Variants in AK7 observed in about 807,000 individuals in gnomAD.
AK7 encodes ATP-AMP transphosphorylase 7.
AK7 carries 78 observed loss-of-function variants against 96.6 expected under a neutral mutation model. The ratio of observed to expected loss-of-function variants is 0.81; its 90% CI spans 0.67 to 0.97. The LOEUF is 0.97. Ranked by LOEUF, AK7 falls within the 50% of genes least tolerant of loss-of-function variation. AK7 has a pLI of 0.00. For missense variants in AK7, 855 were observed against 887.9 expected (o/e 0.96, Z 0.47); for synonymous variants, 302 against 317.2 (o/e 0.95, Z 0.51).
At chr14:96,397,769 T>C (rs1791881549) in intron 1 of AK7, among the ~76,000 whole-genome samples, 1 of 152,196 alleles carries the variant, frequency 6.6e-6, no homozygotes, top group Non-Finnish European at 1.5e-5. Flanking sequence ...TATATTTCTG[T>C]TGGACAACAC....
chr14:96,406,339 T>TC (rs947441031), intron 3 of AK7, among the ~76,000 whole-genome samples: 2 of 152,278 alleles, frequency 1.3e-5, no homozygotes, highest in East Asian at 1.9e-4. Context: ...GACCACCCTC[T>TC]CCCCCTCAAG....
At chr14:96,445,141 C>A (rs1230571820) in intron 7 of AK7, among the ~76,000 whole-genome samples, 1 of 152,228 alleles carries the variant, frequency 6.6e-6, no homozygotes, top group Non-Finnish European at 1.5e-5. Context: ...TATCAAACTA[C>A]CCGCCTCTGC....
rs912884736 is a variant in AK7, at chr14:96,407,352, A to G, written c.404-1495A>G. ...AAACAAAAGTAACACAAAGTTTGGA[A>G]TAATACGTGATCATAGTGTTCTTAG... On this transcript the variant is annotated intron_variant, in intron 3 of 17. Coordinates refer to ENST00000267584, the MANE Select transcript of AK7 (RefSeq NM_152327.5). 3.1e-4 allele frequency among the ~76,000 whole-genome samples: 47 copies of G among 152,204 alleles called. 1 individual carries two copies. Among genetic ancestry groups the G allele is most frequent in the African/African-American group, 1.0e-3 (43 of 41,454 alleles).
intron 8 of AK7, among the ~76,000 whole-genome samples, chr14:96,448,126 CA>C (rs557075450): frequency 0.017 from 1,408 of 81,886 alleles, 11 homozygotes; most frequent in African/African-American, 0.05. Context: ...GAGACCCTGT[CA>C]AAAAAAAAAA....
At chr14:96,467,632 G>C (rs1177591465) in intron 12 of AK7, among the ~76,000 whole-genome samples, 1 of 152,098 alleles carries the variant, frequency 6.6e-6, no homozygotes, top group Admixed American at 6.6e-5. Context: ...GAGCCACCCT[G>C]CCCGGCTGCT....
chr14:96,435,466 C>A (rs1595410093), intron 5 of AK7, among the ~76,000 whole-genome samples: 1 of 152,276 alleles, frequency 6.6e-6, no homozygotes, highest in East Asian at 1.9e-4. Context: ...AGGAAGGAGT[C>A]TCTTCGGAGC....
chr14:96,487,184 G>C, intron 17 of AK7, 128 bp downstream of exon 17: 1 of 898,826 alleles, frequency 1.1e-6, no homozygotes. Context: ...AGACCACCCT[G>C]CCAACATAGT....
rs1199841247 is a variant in AK7 at position 96,449,502 on chromosome 14, C to T, written c.871-300C>T. 3.3e-5 allele frequency among the ~76,000 whole-genome samples: 5 copies of T among 152,196 alleles called. No individual in the cohort carries two copies. In the East Asian group the frequency reaches 9.6e-4, roughly 29 times the overall value. ...AGGCTGGAGTGCAGTGGTGTGATCT[C>T]AACTCACTGCAACCTCTGTCTCTCA... On this transcript the variant is annotated intron_variant, in intron 8 of 17. Coordinates refer to ENST00000267584, the MANE Select transcript of AK7 (RefSeq NM_152327.5).
At chr14:96,435,191 CA>C (rs1433859982) in intron 5 of AK7, among the ~76,000 whole-genome samples, 1 of 152,026 alleles carries the variant, frequency 6.6e-6, no homozygotes, top group Non-Finnish European at 1.5e-5. Context: ...CTGTAGTCAC[CA>C]CAGCTGGGAA....
At chr14:96,431,204 A>C (rs567606893) in intron 5 of AK7, among the ~76,000 whole-genome samples, 10 of 152,216 alleles carry the variant, frequency 6.6e-5, no homozygotes, top group Admixed American at 6.5e-4. Context: ...CTTTTCAAAA[A>C]ACCAGATCCT....
chr14:96,400,605 AG>A (rs1239007210), intron 2 of AK7, among the ~76,000 whole-genome samples: 2 of 152,178 alleles, frequency 1.3e-5, no homozygotes, highest in African/African-American at 2.4e-5. Context: ...TCAGGCTGGC[AG>A]TAAGGCTGCA....
At chr14:96,413,372 T>C (rs1444905307) in intron 4 of AK7, among the ~76,000 whole-genome samples, 1 of 152,180 alleles carries the variant, frequency 6.6e-6, no homozygotes, top group Non-Finnish European at 1.5e-5. Context: ...TGCTCCCAAC[T>C]GGGTTTGGCC....
intron 13 of AK7, among the ~76,000 whole-genome samples, chr14:96,471,904 G>A (rs929432690): frequency 7.9e-5 from 12 of 151,990 alleles, no homozygotes; most frequent in East Asian, 1.9e-4. Flanking sequence ...ATACATTATC[G>A]TTGGCTATAG....
At chr14:96,423,670 C>G (rs1304207580) in intron 5 of AK7, 1 of 648,276 alleles carries the variant, frequency 1.5e-6, no homozygotes, top group Non-Finnish European at 2.9e-6. Context: ...GCCTCCAGGA[C>G]GGTTCAGGTC....
intron 5 of AK7, among the ~76,000 whole-genome samples, chr14:96,426,256 A>G (rs1892021963): frequency 2.0e-5 from 3 of 152,324 alleles, no homozygotes; most frequent in East Asian, 1.9e-4. Flanking sequence ...TCGGATAACA[A>G]TCTAACCCTC....
intron 12 of AK7, among the ~76,000 whole-genome samples, chr14:96,468,292 T>A (rs1395812998): frequency 7.0e-6 from 1 of 143,802 alleles, no homozygotes; most frequent in Non-Finnish European, 1.5e-5. Context: ...TTTTGCACTC[T>A]TTCCTTTTTT....
intron 8 of AK7, among the ~76,000 whole-genome samples, chr14:96,448,897 A>T (rs1300371210): frequency 6.6e-6 from 1 of 152,150 alleles, no homozygotes; most frequent in Non-Finnish European, 1.5e-5. Flanking sequence ...CAGAGGTTGC[A>T]GTGAGCTGAG....
chr14:96,434,034 T>C (rs1328771165), intron 5 of AK7, among the ~76,000 whole-genome samples: 1 of 152,268 alleles, frequency 6.6e-6, no homozygotes, highest in African/African-American at 2.4e-5. Flanking sequence ...CACATAGCTC[T>C]GCTTTGCCAG....
At chr14:96,450,838 G>C (rs987442249) in intron 9 of AK7, among the ~76,000 whole-genome samples, 1 of 145,104 alleles carries the variant, frequency 6.9e-6, no homozygotes, top group Non-Finnish European at 1.5e-5. Context: ...GCAGTGGCGC[G>C]ATCTCGGCTC....
Sources: gnomAD v4.1 joint callset for allele counts (sites outside exome capture counted in the v4.1 genomes callset) on GRCh38, gnomAD v4.1.1 for gene constraint, MANE v1.5 for transcripts, NCBI Gene and HGNC (gene_info 2026-07-23, HGNC 2026-07-21) for gene names.